Variants in GALNTL6 observed in about 807,000 individuals in gnomAD.
GALNTL6 encodes polypeptide N-acetylgalactosaminyltransferase-like 6.
A neutral mutation model predicts 73.7 loss-of-function variants in GALNTL6; 46 were observed. The ratio of observed to expected loss-of-function variants is 0.62; its 90% CI spans 0.49 to 0.80. The LOEUF is 0.80. GALNTL6 is among the 30% of genes least tolerant of loss of function. The pLI is 0.00. For synonymous variants in GALNTL6, 259 were observed against 263.7 expected, an observed-to-expected ratio of 0.98 and a Z score of 0.17; for missense variants, 604 against 755.0, an observed-to-expected ratio of 0.80 and a Z score of 2.34.
intron 2 of GALNTL6, among the ~76,000 whole-genome samples, chr4:171,943,208 G>GA (rs1738601444): frequency 6.6e-6 from 1 of 152,112 alleles, no homozygotes; most frequent in Admixed American, 6.5e-5. Flanking sequence ...TCTTATGATA[G>GA]AAAAAATATT....
At chr4:172,724,519 G>T (rs1433235366) in intron 5 of GALNTL6, among the ~76,000 whole-genome samples, 1 of 152,172 alleles carries the variant, frequency 6.6e-6, no homozygotes, top group East Asian at 1.9e-4. Context: ...GTTCAACTTT[G>T]TATATTAGCC....
At chr4:172,749,555 A>G (rs1057413355) in intron 5 of GALNTL6, among the ~76,000 whole-genome samples, 3 of 152,074 alleles carry the variant, frequency 2.0e-5, no homozygotes, top group Admixed American at 1.3e-4. Flanking sequence ...ACTGTTTTTA[A>G]AATTACTACA....
chr4:172,348,941 A>G (rs1376568179), intron 5 of GALNTL6, among the ~76,000 whole-genome samples: 2 of 152,332 alleles, frequency 1.3e-5, no homozygotes, highest in Admixed American at 6.5e-5. Flanking sequence ...TGTTGGCAAA[A>G]TGCCTCAAAT....
At chr4:171,929,232 A>C (rs1460042082) in intron 2 of GALNTL6, among the ~76,000 whole-genome samples, 1 of 152,038 alleles carries the variant, frequency 6.6e-6, no homozygotes. Context: ...ATGCCCAGCT[A>C]ATTTTTTACA....
intron 7 of GALNTL6, among the ~76,000 whole-genome samples, chr4:172,816,668 CTT>C (rs1741620025): frequency 1.3e-5 from 2 of 152,170 alleles, no homozygotes; most frequent in South Asian, 2.1e-4. Flanking sequence ...TCATGGATAA[CTT>C]TGAGCATTAA....
At position 171,927,821 on chromosome 4, in the gene GALNTL6, T is replaced by G. The variant is rs1738034457; in HGVS notation, c.138+113103T>G. ...CCCCTGCAGCTGATCTTTGCATGGT[T>G]GTCTCTCTCATGTCATTCAGATCTC... On this transcript the variant is annotated intron_variant, in intron 2 of 12. Transcript: ENST00000506823. Among the ~76,000 whole-genome samples, 3 of 152,208 alleles carry G rather than the reference T, an allele frequency of 2.0e-5. No individual in the cohort carries two copies. In the South Asian group the frequency reaches 6.2e-4, roughly 31 times the overall value.
chr4:173,017,507 C>T (rs1752829636), intron 11 of GALNTL6, among the ~76,000 whole-genome samples: 1 of 152,080 alleles, frequency 6.6e-6, no homozygotes, highest in Non-Finnish European at 1.5e-5. Flanking sequence ...AATGAAAAGA[C>T]TCAATGCCTG....
chr4:172,003,265 C>T (rs1024259504), intron 2 of GALNTL6, among the ~76,000 whole-genome samples: 12 of 152,082 alleles, frequency 7.9e-5, no homozygotes, highest in Non-Finnish European at 1.3e-4. Context: ...ACAATCATTA[C>T]ACACATCTAT....
intron 2 of GALNTL6, among the ~76,000 whole-genome samples, chr4:172,197,022 T>C (rs1407369992): frequency 6.6e-6 from 1 of 152,166 alleles, no homozygotes; most frequent in Non-Finnish European, 1.5e-5. Flanking sequence ...TATGACATGA[T>C]TCTATATCTA....
chr4:172,174,215 C>T (rs1734920279), intron 2 of GALNTL6, among the ~76,000 whole-genome samples: 1 of 152,034 alleles, frequency 6.6e-6, no homozygotes. Context: ...GGATCAGAGA[C>T]ATCTTTGGAT....
intron 4 of GALNTL6, among the ~76,000 whole-genome samples, chr4:172,318,776 G>C (rs1263554432): frequency 7.1e-6 from 1 of 140,986 alleles, no homozygotes; most frequent in Non-Finnish European, 1.5e-5. Flanking sequence ...CAAGGATAAG[G>C]GAACTGGAGT....
At chr4:172,460,093 A>G (rs188634201) in intron 5 of GALNTL6, among the ~76,000 whole-genome samples, 1 of 152,354 alleles carries the variant, frequency 6.6e-6, no homozygotes, top group African/African-American at 2.4e-5. Flanking sequence ...GATCTTTGAC[A>G]AACCTGACAA....
At chr4:172,810,364 G>A (rs1438730440) in intron 6 of GALNTL6, among the ~76,000 whole-genome samples, 2 of 152,098 alleles carry the variant, frequency 1.3e-5, no homozygotes, top group African/African-American at 4.8e-5. Flanking sequence ...GAAATAAATT[G>A]TCAGCTCGAA....
chr4:172,264,833 A>G (rs1200653263), intron 3 of GALNTL6, among the ~76,000 whole-genome samples: 1 of 150,692 alleles, frequency 6.6e-6, no homozygotes, highest in Non-Finnish European at 1.5e-5. Flanking sequence ...TGGATATACT[A>G]GCTATCTCAC....
chr4:172,792,755 T>C lies in GALNTL6; in HGVS notation c.554-16606T>C, dbSNP rs975942891. ...TTGGCTGAGTGTTTGGTCAGTTGTT[T>C]AGTTTTTAATTGTGTTTTCATAATA... On this transcript the variant is annotated intron_variant, in intron 5 of 12. Transcript: ENST00000506823. Among the ~76,000 whole-genome samples, 10 of 151,992 alleles carry C rather than the reference T, an allele frequency of 6.6e-5. 1 individual carries two copies. Among genetic ancestry groups the C allele is most frequent in the Admixed American group, 1.3e-4 (2 of 15,248 alleles).
chr4:172,746,563 T>C (rs1360330270), intron 5 of GALNTL6, among the ~76,000 whole-genome samples: 1 of 152,110 alleles, frequency 6.6e-6, no homozygotes, highest in African/African-American at 2.4e-5. Flanking sequence ...TCTATAATAG[T>C]TAATATTTTG....
chr4:171,987,125 G>T (rs1579034357), intron 2 of GALNTL6, among the ~76,000 whole-genome samples: 5 of 152,176 alleles, frequency 3.3e-5, no homozygotes, highest in East Asian at 1.9e-4. Flanking sequence ...GCTCAAATGG[G>T]CTGTACCCTG....
intron 5 of GALNTL6, among the ~76,000 whole-genome samples, chr4:172,718,527 A>G (rs1260430851): frequency 6.6e-6 from 1 of 152,038 alleles, no homozygotes; most frequent in East Asian, 1.9e-4. Context: ...GGTCCCAGCT[A>G]CTTAGGAGGC....
chr4:171,915,004 G>A (rs1472675586), intron 2 of GALNTL6, among the ~76,000 whole-genome samples: 2 of 150,156 alleles, frequency 1.3e-5, no homozygotes, highest in African/African-American at 2.5e-5. Context: ...TTCTGGACAT[G>A]TATATATATA....
Sources: gnomAD v4.1 joint callset for allele counts (sites outside exome capture counted in the v4.1 genomes callset) on GRCh38, gnomAD v4.1.1 for gene constraint, MANE v1.5 for transcripts, NCBI Gene and HGNC (gene_info 2026-07-23, HGNC 2026-07-21) for gene names.